Variants in ENO2 observed in about 807,000 individuals in gnomAD.
The protein encoded by ENO2 is enolase 2.
In ENO2, 19 loss-of-function variants were observed where a neutral mutation model predicts 48.7. The observed-to-expected ratio is 0.39, with a 90% confidence interval of 0.27 to 0.57. The LOEUF is 0.57. ENO2 is among the 20% of genes least tolerant of loss of function. The probability of loss-of-function intolerance (pLI) is 0.58; values close to 1 mark genes in which losing one functional copy is unlikely to be tolerated. For synonymous variants in ENO2, 198 were observed against 213.4 expected (o/e 0.93, Z 0.63); for missense variants, 416 against 555.0 (o/e 0.75, Z 2.52).
chr12:6,921,824 A>G (rs375894914), intron 9 of ENO2, 42 bp downstream of exon 9: 22 of 1,606,904 alleles, frequency 1.4e-5, no homozygotes, highest in Non-Finnish European at 1.5e-5. Context: ...CCTCGTTTCT[A>G]TAAGACTCCT....
chr12:6,915,799 T>A lies in ENO2; in HGVS notation c.-12-22T>A, dbSNP rs782751263. ...CCTCTAAGCCTCTTATCTTTCTCCTTCCTTCCCTTCCACCCGAGGAGATCC... is the reference window on the plus strand; with the variant it reads ...CCTCTAAGCCTCTTATCTTTCTCCTACCTTCCCTTCCACCCGAGGAGATCC... On this transcript the variant is annotated intron_variant, in intron 1 of 11. Transcript: ENST00000229277. 6 of 1,585,724 alleles carry A rather than the reference T, an allele frequency of 3.8e-6. No individual in the cohort carries two copies. The African/African-American group carries it at 8.1e-5, about 22-fold the overall frequency.
intron 8 of ENO2, among the ~76,000 whole-genome samples, chr12:6,920,911 C>T (rs1945335631): frequency 6.6e-6 from 1 of 151,494 alleles, no homozygotes; most frequent in South Asian, 2.1e-4. Context: ...CTTAGCCTCC[C>T]AAGTAGCTGG....
At chr12:6,917,763 G>GGTTGGT in intron 6 of ENO2, 49 bp downstream of exon 6, 3 of 1,501,398 alleles carry the variant, frequency 2.0e-6, no homozygotes, top group Non-Finnish European at 2.8e-6. Context: ...GTGGGGGAGG[G>GGTTGGT]AGCATGCAAC....
At chr12:6,917,191 G>A (rs1565558320) in intron 5 of ENO2, 84 bp downstream of exon 5, 3 of 1,528,740 alleles carry the variant, frequency 2.0e-6, no homozygotes, top group Non-Finnish European at 2.7e-6. Flanking sequence ...CAGTGCTGTA[G>A]TGGCTTCCTC....
rs1945351087 is a variant in ENO2, at chr12:6,922,656, C to T, written c.1236-75C>T. On this transcript the variant is annotated intron_variant, in intron 11 of 11. Coordinates refer to ENST00000229277, the MANE Select transcript of ENO2 (RefSeq NM_001975.3). The surrounding 1 kb of genome is among the most constrained non-coding windows in gnomAD (Gnocchi z 5.3). ...CAGGTGGTGTGGGGGTGGTTGGAGT[C>T]TGGGGGACCCCTAGAGAGAGAAGCA... is the stretch of plus-strand genomic sequence containing the variant. 3.8e-6 allele frequency: 6 copies of T among 1,573,788 alleles called. No homozygotes were observed. Among genetic ancestry groups the T allele is most frequent in the Non-Finnish European group, 4.4e-6 (5 of 1,145,466 alleles).
At position 6,917,114 on chromosome 12, in the gene ENO2, C is replaced by T. The variant is rs782686386; in HGVS notation, c.310+7C>T. The stretch of plus-strand genomic sequence containing the variant: ...GATGGGACTGAGAACAAATGTGAGC[C>T]GGGGCCGGGAGAAAGTGGGGAAGCG... On this transcript the variant is annotated splice_region_variant and intron_variant, in intron 5 of 11. Coordinates refer to ENST00000229277, the MANE Select transcript of ENO2 (RefSeq NM_001975.3). The T allele has an allele frequency of 9.9e-6, 16 of 1,613,774 alleles. No homozygotes were observed. Among genetic ancestry groups the T allele is most frequent in the East Asian group, 6.7e-5 (3 of 44,890 alleles).
intron 8 of ENO2, among the ~76,000 whole-genome samples, chr12:6,920,460 C>T (rs187191728): frequency 2.7e-4 from 40 of 149,880 alleles, no homozygotes; most frequent in African/African-American, 7.4e-4. Context: ...AGTGCAATGG[C>T]GCCATCTCGG....
At chr12:6,915,548 C>G in intron 1 of ENO2, 1 of 449,566 alleles carries the variant, frequency 2.2e-6, no homozygotes, top group South Asian at 2.7e-5. Context: ...CCCCTCCTCA[C>G]TGCAGTGTTC....
chr12:6,920,706 C>A (rs34291247), intron 8 of ENO2, among the ~76,000 whole-genome samples: 36 of 61,296 alleles, frequency 5.9e-4, no homozygotes, highest in African/African-American at 7.5e-4. Context: ...GGCTGGTTTG[C>A]TTTTAATTAA....
In ENO2 at chr12:6,917,723, T is replaced by C. The variant is rs1327132000; in HGVS notation, c.444+9T>C. On this transcript the variant is annotated intron_variant, in intron 6 of 11. Coordinates refer to ENST00000229277, the MANE Select transcript of ENO2 (RefSeq NM_001975.3). ...TCATCCTGCCTGTGCCGGTGAGCAA[T>C]AAGCCAGCCTGCGGCTCTCCCAGGG... 4 of 974,112 alleles carry C rather than the reference T, an allele frequency of 4.1e-6. No homozygotes were observed. The highest frequency in any genetic ancestry group is 4.0e-5 in the East Asian group (1 of 25,306). 60.3% of individuals were successfully genotyped at this position (974,112 alleles called of 1,614,324 possible).
rs1945296044 is a variant in ENO2, at chr12:6,916,818, C to G, written c.240+89C>G. 1.3e-6 allele frequency: 2 copies of G among 1,544,644 alleles called. No homozygotes were observed. The highest frequency in any genetic ancestry group is 1.8e-5 in the Admixed American group (1 of 57,078). Reference sequence around the variant, plus strand: ...CAGGAGGAAGGGAAGAAAGAAGGCCCACTCTTAGGAATCATGGTTACAAGG... The same window carrying G: ...CAGGAGGAAGGGAAGAAAGAAGGCCGACTCTTAGGAATCATGGTTACAAGG... On this transcript the variant is annotated intron_variant, in intron 4 of 11. Coordinates refer to ENST00000229277, the MANE Select transcript of ENO2 (RefSeq NM_001975.3). This position sits in a 1 kb window ranked among gnomAD's most constrained non-coding sequence, Gnocchi z 4.5.
chr12:6,916,376 GT>G lies in ENO2; in HGVS notation c.86-40del. ...AAGGCTGAAGGACTCCCTGGCCCCT[GT>G]GTCCTCTTCACTCCCTCTCATTCCA... On this transcript the variant is annotated intron_variant, in intron 2 of 11. Transcript: ENST00000229277. This position sits in a 1 kb window ranked among gnomAD's most constrained non-coding sequence, Gnocchi z 4.5. The G allele has an allele frequency of 6.3e-7, 1 of 1,590,626 alleles. No individual in the cohort carries two copies. The highest frequency in any genetic ancestry group is 8.6e-7 in the Non-Finnish European group (1 of 1,165,926).
In ENO2 at chr12:6,916,581, C is replaced by G; in HGVS notation, c.181+69C>G. The G allele has an allele frequency of 6.2e-7, 1 of 1,611,296 alleles. No individual in the cohort carries two copies. On this transcript the variant is annotated intron_variant, in intron 3 of 11. Transcript: ENST00000229277. The surrounding 1 kb of genome is among the most constrained non-coding windows in gnomAD (Gnocchi z 4.5). Reference sequence around the variant, plus strand: ...TATGCCCCTACCTCACACCAGTCCCCAGTCCTCCTCTAGCATGGCTTCCCC... The same window carrying G: ...TATGCCCCTACCTCACACCAGTCCCGAGTCCTCCTCTAGCATGGCTTCCCC...
At chr12:6,921,848 C>G in intron 9 of ENO2, 66 bp downstream of exon 9, 1 of 1,585,458 alleles carries the variant, frequency 6.3e-7, no homozygotes, top group Non-Finnish European at 8.6e-7. Context: ...GCAAGTGCTC[C>G]AGCCTAATTC....
chr12:6,916,475 G>A lies in ENO2; in HGVS notation c.144G>A (p.Glu48=), dbSNP rs376269766. ...GASTGIYEAL[E]LRDGDKQRYL... is the part of the protein sequence containing the mutation. ...CTACGGGCATCTATGAGGCCCTGGA[G>A]CTGAGGGATGGAGACAAACAGCGTT... The change falls in exon 3 of 12, where the codon GAG becomes GAA. Residue 48 remains glutamate, a synonymous_variant. Transcript: ENST00000229277. This position sits in a 1 kb window ranked among gnomAD's most constrained non-coding sequence, Gnocchi z 4.5. 3 of 1,614,142 alleles carry A rather than the reference G, an allele frequency of 1.9e-6. No homozygotes were observed. The highest frequency in any genetic ancestry group is 2.7e-5 in the African/African-American group (2 of 75,030).
At chr12:6,917,189 T>A in intron 5 of ENO2, 82 bp downstream of exon 5, 1 of 1,529,898 alleles carries the variant, frequency 6.5e-7, no homozygotes. Context: ...GCCAGTGCTG[T>A]AGTGGCTTCC....
In ENO2 at chr12:6,918,155, C is replaced by T. The variant is rs1329217950; in HGVS notation, c.660C>T (p.Asn220=). The T allele has an allele frequency of 1.2e-6, 2 of 1,614,080 alleles. No homozygotes were observed. Among genetic ancestry groups the T allele is most frequent in the Non-Finnish European group, 1.7e-6 (2 of 1,179,994 alleles). Residue 220 remains asparagine (N), a synonymous_variant, in exon 7 of 12, where the codon AAC becomes AAT. Transcript: ENST00000229277. Reference sequence around the variant, plus strand: ...GCTTTGCCCCCAATATCCTGGAGAACAGTGAAGGTGAGGCCAGGAGCCCCA... The same window carrying T: ...GCTTTGCCCCCAATATCCTGGAGAATAGTGAAGGTGAGGCCAGGAGCCCCA... The part of the protein sequence containing the change: ...EGGFAPNILE[N]SEALELVKEA...
chr12:6,922,302 A>G lies in ENO2; in HGVS notation c.1177-42A>G. 1 of 1,613,930 alleles carries G rather than the reference A, an allele frequency of 6.2e-7. No homozygotes were observed. Among genetic ancestry groups the G allele is most frequent in the Non-Finnish European group, 8.5e-7 (1 of 1,179,862 alleles). The stretch of plus-strand genomic sequence containing the variant: ...GAGCAGAAGTTTCCTTTCAGGGGTG[A>G]GAGGGCAGTCACTGAGCTGCAAATC... On this transcript the variant is annotated intron_variant, in intron 10 of 11. Transcript: ENST00000229277. The surrounding 1 kb of genome is among the most constrained non-coding windows in gnomAD (Gnocchi z 5.3).
In ENO2 at chr12:6,915,926, T is replaced by C; in HGVS notation, c.85+9T>C. 1 of 1,613,480 alleles carries C rather than the reference T, an allele frequency of 6.2e-7. No homozygotes were observed. Among genetic ancestry groups the C allele is most frequent in the Non-Finnish European group, 8.5e-7 (1 of 1,179,704 alleles). On this transcript the variant is annotated intron_variant, in intron 2 of 11. Transcript: ENST00000229277. ...TCTCTATACTGCCAAAGGTAATGGG[T>C]GTGGCATGGGCCTTCCTACAGCCCT... is the stretch of plus-strand genomic sequence containing the variant.
Sources: gnomAD v4.1 joint callset for allele counts (sites outside exome capture counted in the v4.1 genomes callset) on GRCh38, gnomAD v4.1.1 for gene constraint, Gnocchi (gnomAD v3.1) non-coding constraint, MANE v1.5 for transcripts, NCBI Gene and HGNC (gene_info 2026-07-23, HGNC 2026-07-21) for gene names.